Variants in KLHL1 observed in about 807,000 individuals in gnomAD.
KLHL1 encodes kelch like family member 1.
KLHL1 carries 47 observed loss-of-function variants against 77.7 expected under a neutral mutation model. The observed-to-expected ratio is 0.60, with a 90% CI of 0.48 to 0.77. KLHL1 has a LOEUF of 0.77. KLHL1 is among the 30% of genes least tolerant of loss of function. KLHL1 has a pLI of 0.00. For missense variants in KLHL1, 925 were observed against 910.8 expected, an observed-to-expected ratio of 1.02 and a Z score of -0.20; for synonymous variants, 360 against 325.2, an observed-to-expected ratio of 1.11 and a Z score of -1.15.
At chr13:69,774,256 T>C (rs1055281148) in intron 7 of KLHL1, among the ~76,000 whole-genome samples, 3 of 151,976 alleles carry the variant, frequency 2.0e-5, no homozygotes, top group African/African-American at 4.8e-5. Flanking sequence ...CAAGATGAAA[T>C]TGTTTCAAAA....
intron 1 of KLHL1, among the ~76,000 whole-genome samples, chr13:70,077,811 A>G (rs1044484057): frequency 1.3e-5 from 2 of 152,210 alleles, no homozygotes; most frequent in East Asian, 3.9e-4. Context: ...TATTATATAC[A>G]CAAAAAGTTA....
chr13:69,769,632 A>G (rs1325577182), intron 7 of KLHL1, among the ~76,000 whole-genome samples: 2 of 152,132 alleles, frequency 1.3e-5, no homozygotes, highest in Non-Finnish European at 2.9e-5. Flanking sequence ...TTCCAAGGCT[A>G]CCTGCAGCCT....
At chr13:70,062,622 CTCAG>C (rs1342294519) in intron 1 of KLHL1, among the ~76,000 whole-genome samples, 1 of 152,070 alleles carries the variant, frequency 6.6e-6, no homozygotes, top group Non-Finnish European at 1.5e-5. Flanking sequence ...AAAGTGGATA[CTCAG>C]TAAGTTGTGT....
chr13:69,946,164 G>C (rs1883518196), intron 3 of KLHL1, among the ~76,000 whole-genome samples: 1 of 152,088 alleles, frequency 6.6e-6, no homozygotes, highest in African/African-American at 2.4e-5. Context: ...GATCACTGAT[G>C]CTTATGTACT....
At chr13:70,005,929 G>T (rs1325767133) in intron 1 of KLHL1, among the ~76,000 whole-genome samples, 1 of 151,774 alleles carries the variant, frequency 6.6e-6, no homozygotes, top group African/African-American at 2.4e-5. Context: ...ATTAACTATC[G>T]GACTATGTTG....
chr13:69,774,326 G>A (rs1177391088), intron 7 of KLHL1, among the ~76,000 whole-genome samples: 3 of 151,726 alleles, frequency 2.0e-5, no homozygotes, highest in Admixed American at 6.6e-5. Context: ...CTACATGCAC[G>A]GATATAAAGT....
intron 3 of KLHL1, among the ~76,000 whole-genome samples, chr13:69,949,550 T>C (rs1434512362): frequency 6.6e-6 from 1 of 151,776 alleles, no homozygotes; most frequent in Non-Finnish European, 1.5e-5. Context: ...TGTTATTCTT[T>C]AGTACCTTTA....
rs1026571427 is a variant in KLHL1 at position 69,789,311 on chromosome 13, A to G, written c.1639+7427T>C. On this transcript the variant is annotated intron_variant, in intron 7 of 10. Transcript: ENST00000377844. ...TATTTTGTATGGGTAACTTGACAAA[A>G]TAAGTCTTATTTAATAAATTAAAAA... Among the ~76,000 whole-genome samples, 12 of 151,418 alleles carry G rather than the reference A, an allele frequency of 7.9e-5. No individual in the cohort carries two copies. The East Asian group carries it at 1.9e-3, about 24-fold the overall frequency.
chr13:69,878,677 T>C (rs1019607449), intron 5 of KLHL1, among the ~76,000 whole-genome samples: 1 of 151,928 alleles, frequency 6.6e-6, no homozygotes, highest in African/African-American at 2.4e-5. Context: ...CATGTATGTG[T>C]ACACATATAT....
intron 8 of KLHL1, among the ~76,000 whole-genome samples, chr13:69,731,548 A>G (rs1035898903): frequency 1.3e-5 from 2 of 152,206 alleles, no homozygotes; most frequent in Non-Finnish European, 2.9e-5. Flanking sequence ...AAAGAAGTCT[A>G]GCAGAAATGG....
intron 4 of KLHL1, among the ~76,000 whole-genome samples, chr13:69,934,962 G>GTATA (rs67195697): frequency 0.033 from 4,229 of 129,626 alleles, 97 homozygotes; most frequent in Middle Eastern, 0.049. Context: ...GTGTGCATGT[G>GTATA]TATATATATA....
intron 7 of KLHL1, among the ~76,000 whole-genome samples, chr13:69,751,200 A>G (rs1205143098): frequency 6.6e-6 from 1 of 151,402 alleles, no homozygotes; most frequent in East Asian, 1.9e-4. Context: ...GTATGAAATC[A>G]AGGCTGTCAG....
chr13:69,841,167 C>G (rs1879247081), intron 5 of KLHL1, among the ~76,000 whole-genome samples: 1 of 151,672 alleles, frequency 6.6e-6, no homozygotes, highest in South Asian at 2.1e-4. Context: ...ACTTTTTCCC[C>G]TTCAATATCA....
intron 2 of KLHL1, among the ~76,000 whole-genome samples, chr13:69,971,415 C>G (rs766677720): frequency 2.6e-5 from 4 of 151,948 alleles, no homozygotes; most frequent in Admixed American, 1.3e-4. Context: ...CTACTGGCTC[C>G]TGAGGTCTAT....
intron 1 of KLHL1, among the ~76,000 whole-genome samples, chr13:70,017,969 C>A (rs372130838): frequency 6.6e-6 from 1 of 151,896 alleles, no homozygotes; most frequent in African/African-American, 2.4e-5. Flanking sequence ...TGAAAATAAG[C>A]GCTAATCTCC....
rs200493457 is a variant in KLHL1, at chr13:69,988,081, C to CT, written c.498-12280dup. 8.6e-5 allele frequency among the ~76,000 whole-genome samples: 13 copies of CT among 151,118 alleles called. No individual in the cohort carries two copies. The East Asian group carries it at 9.8e-4, about 11-fold the overall frequency. On this transcript the variant is annotated intron_variant, in intron 1 of 10. Transcript: ENST00000377844. ...CAGGTACAAGCATAATACTAAATAG[C>CT]TTTTTTTTGGCGGGGGGAACCTCTC...
At chr13:69,835,999 C>T (rs1321314532) in intron 6 of KLHL1, among the ~76,000 whole-genome samples, 2 of 152,020 alleles carry the variant, frequency 1.3e-5, no homozygotes, top group Admixed American at 1.3e-4. Context: ...TATAAAGCTT[C>T]AGTTCATAGT....
chr13:69,780,715 TGTATATATATATATATAC>T (rs1566243743), intron 7 of KLHL1, among the ~76,000 whole-genome samples: 712 of 27,624 alleles, frequency 0.026, 31 homozygotes, highest in Non-Finnish European at 0.034. Flanking sequence ...TATATATATA[TGTATATATATATATATAC>T]ATATATATAT....
At position 70,006,885 on chromosome 13, in the gene KLHL1, T is replaced by C. The variant is rs1441569; in HGVS notation, c.498-31083A>G. On this transcript the variant is annotated intron_variant, in intron 1 of 10. Coordinates refer to ENST00000377844, the MANE Select transcript of KLHL1 (RefSeq NM_020866.3). ...TTAATTAGAAAACTATAAATAATCATACAATGTTTTTAAGTTACTCTTGCA... is the reference window on the plus strand; with the variant it reads ...TTAATTAGAAAACTATAAATAATCACACAATGTTTTTAAGTTACTCTTGCA... Among the ~76,000 whole-genome samples the C allele has an allele frequency of 6.3e-3, 958 of 152,168 alleles. 9 individuals carry two copies. The highest frequency in any genetic ancestry group is 0.022 in the African/African-American group (898 of 41,546).
Sources: gnomAD v4.1 joint callset for allele counts (sites outside exome capture counted in the v4.1 genomes callset) on GRCh38, gnomAD v4.1.1 for gene constraint, MANE v1.5 for transcripts, NCBI Gene and HGNC (gene_info 2026-07-23, HGNC 2026-07-21) for gene names.